VCAN: variants seen among roughly 807,000 people sequenced by gnomAD.
VCAN encodes the protein versican core protein.
VCAN carries 44 observed loss-of-function variants against 245.5 expected under a neutral mutation model. The observed-to-expected ratio is 0.18, with a 90% CI of 0.14 to 0.23. VCAN has a LOEUF of 0.23. VCAN is among the 10% of genes least tolerant of loss of function. The pLI, the probability that VCAN is intolerant of heterozygous loss-of-function variation, is 1.00. For synonymous variants in VCAN, 1,413 were observed against 1,437.0 expected (o/e 0.98, Z 0.38); for missense variants, 3,793 against 4,057.9 (o/e 0.93, Z 1.77).
intron 2 of VCAN, among the ~76,000 whole-genome samples, chr5:83,484,676 T>C (rs567786847): frequency 6.6e-6 from 1 of 152,330 alleles, no homozygotes; most frequent in South Asian, 2.1e-4. Context: ...GGATGACTCA[T>C]AACTGGCCTA....
At position 83,521,197 on chromosome 5, in the gene VCAN, C is replaced by T. The variant is rs773152751; in HGVS notation, c.2891C>T (p.Thr964Ile). Residue 964 changes from threonine to isoleucine, a missense_variant, in exon 7 of 15, where the codon ACT (threonine) becomes ATT (isoleucine). Thr to Ile is a moderately conservative substitution (Grantham distance 89, BLOSUM62 -1). Transcript: ENST00000265077. ...AGTTATAGTAGCACCCAAGAGCCTA[C>T]TACTTATGTAGACTCTTCCCATACC... ...FVSYSSTQEP[T>I]TYVDSSHTIP... 4 of 1,613,422 alleles carry T rather than the reference C, an allele frequency of 2.5e-6. No homozygotes were observed. The highest frequency in any genetic ancestry group is 1.7e-5 in the Admixed American group (1 of 59,966).
chr5:83,503,753 A>G (rs536041188), intron 5 of VCAN, among the ~76,000 whole-genome samples: 114 of 152,322 alleles, frequency 7.5e-4, no homozygotes, highest in Non-Finnish European at 1.4e-3. Context: ...TGCTGCAGTC[A>G]GGAAAGAATT....
intron 12 of VCAN, among the ~76,000 whole-genome samples, chr5:83,557,659 A>G (rs1446335282): frequency 6.6e-6 from 1 of 152,170 alleles, no homozygotes; most frequent in Non-Finnish European, 1.5e-5. Flanking sequence ...ATAGTCTAGA[A>G]AGGTCCTAAA....
intron 3 of VCAN, among the ~76,000 whole-genome samples, chr5:83,491,184 A>G (rs1162341690): frequency 6.6e-6 from 1 of 152,166 alleles, no homozygotes; most frequent in African/African-American, 2.4e-5. Context: ...AAGTTAGGAG[A>G]CAAAGCAAAG....
chr5:83,575,813 C>T (rs1204619822), intron 13 of VCAN, among the ~76,000 whole-genome samples: 2 of 152,116 alleles, frequency 1.3e-5, no homozygotes, highest in African/African-American at 2.4e-5. Flanking sequence ...TGATTGTTTA[C>T]ATTTCCCAAT....
intron 6 of VCAN, among the ~76,000 whole-genome samples, chr5:83,517,187 G>C (rs1745883742): frequency 6.6e-6 from 1 of 152,112 alleles, no homozygotes; most frequent in South Asian, 2.1e-4. Flanking sequence ...ATGAAATCTA[G>C]TTATTTAGTT....
At chr5:83,534,484 T>C (rs1746633651) in intron 7 of VCAN, among the ~76,000 whole-genome samples, 1 of 152,084 alleles carries the variant, frequency 6.6e-6, no homozygotes, top group Admixed American at 6.6e-5. Context: ...CTTTTCTCTG[T>C]ACTTAAATGA....
At position 83,542,584 on chromosome 5, in the gene VCAN, G is replaced by A. The variant is rs1025387148; in HGVS notation, c.9265+316G>A. On this transcript the variant is annotated intron_variant, in intron 8 of 14. Coordinates refer to ENST00000265077, the MANE Select transcript of VCAN (RefSeq NM_004385.5). Reference sequence around the variant, plus strand: ...TGTTTTTACTCACAACTAGAGTATTGCTTTGTCATATGTCTCATAGTTATA... The same window carrying A: ...TGTTTTTACTCACAACTAGAGTATTACTTTGTCATATGTCTCATAGTTATA... Among the ~76,000 whole-genome samples the A allele has an allele frequency of 2.6e-5, 4 of 152,116 alleles. No homozygotes were observed. In the South Asian group the frequency reaches 8.3e-4, roughly 32 times the overall value.
chr5:83,503,226 TAGAG>T (rs758148229), intron 5 of VCAN, among the ~76,000 whole-genome samples: 21 of 150,612 alleles, frequency 1.4e-4, no homozygotes, highest in East Asian at 5.8e-4. Context: ...GAGAGAGAGA[TAGAG>T]AGAGAGAGAG....
intron 7 of VCAN, among the ~76,000 whole-genome samples, chr5:83,534,519 T>C (rs1746635363): frequency 6.6e-6 from 1 of 152,072 alleles, no homozygotes; most frequent in Non-Finnish European, 1.5e-5. Context: ...CCAAACAGGG[T>C]AAGTAAGAAT....
intron 13 of VCAN, among the ~76,000 whole-genome samples, chr5:83,576,480 C>T (rs970239144): frequency 2.1e-4 from 32 of 152,006 alleles, no homozygotes; most frequent in Non-Finnish European, 2.9e-4. Context: ...TGTCAGTGGA[C>T]GCTTGAGTCA....
chr5:83,531,743 TATG>T (rs1746529751), intron 7 of VCAN, among the ~76,000 whole-genome samples: 1 of 152,164 alleles, frequency 6.6e-6, no homozygotes, highest in Non-Finnish European at 1.5e-5. Context: ...CTGGTAACAG[TATG>T]ACTGGAAGAC....
chr5:83,514,865 A>G (rs975811259), intron 6 of VCAN, among the ~76,000 whole-genome samples: 4 of 152,254 alleles, frequency 2.6e-5, no homozygotes, highest in African/African-American at 9.6e-5. Context: ...GGTAAAATTC[A>G]TAAGAGTCAT....
chr5:83,500,204 A>ACAG (rs1745288998), intron 5 of VCAN, among the ~76,000 whole-genome samples: 1 of 152,204 alleles, frequency 6.6e-6, no homozygotes, highest in Admixed American at 6.5e-5. Flanking sequence ...CTTGCACACT[A>ACAG]TGATTCCGCC....
In VCAN at chr5:83,490,161, A is replaced by G; in HGVS notation, c.134A>G (p.His45Arg). The G allele has an allele frequency of 1.2e-6, 2 of 1,614,066 alleles. No homozygotes were observed. Among genetic ancestry groups the G allele is most frequent in the South Asian group, 2.2e-5 (2 of 91,076 alleles). The change falls in exon 3 of 15, where the codon CAT becomes CGT. Residue 45 changes from histidine (H) to arginine (R), a missense_variant. Physicochemically the swap from His to Arg is conservative, Grantham distance 29. Transcript: ENST00000265077. ...TCTGGAAAAGTCAGCCTACCTTGTC[A>G]TTTTTCAACGATGCCTACTTTGCCA... ...SLSGKVSLPC[H>R]FSTMPTLPPS...
At position 83,541,839 on chromosome 5, in the gene VCAN, A is replaced by G. The variant is rs1192213460; in HGVS notation, c.8836A>G (p.Lys2946Glu). ...TDGQVSGEAI[K>E]MFPTIKTPEA... is the part of the protein sequence containing the mutation. Reference sequence around the variant, plus strand: ...TGGTCAAGTTTCTGGAGAAGCAATCAAGATGTTTCCCACCATTAAAACACC... The same window carrying G: ...TGGTCAAGTTTCTGGAGAAGCAATCGAGATGTTTCCCACCATTAAAACACC... The change falls in exon 8 of 15, where the codon AAG becomes GAG. Residue 2946 changes from lysine to glutamate, a missense_variant. Transcript: ENST00000265077. 5.6e-6 allele frequency: 9 copies of G among 1,614,042 alleles called. No homozygotes were observed. Among genetic ancestry groups the G allele is most frequent in the African/African-American group, 4.0e-5 (3 of 74,936 alleles).
intron 13 of VCAN, among the ~76,000 whole-genome samples, chr5:83,576,980 A>G (rs1748508653): frequency 6.6e-6 from 1 of 152,028 alleles, no homozygotes; most frequent in South Asian, 2.1e-4. Flanking sequence ...TCCCTTGACA[A>G]TTTTATATGT....
intron 12 of VCAN, among the ~76,000 whole-genome samples, chr5:83,561,512 T>C (rs1018159031): frequency 2.6e-5 from 4 of 152,196 alleles, no homozygotes; most frequent in Admixed American, 6.6e-5. Context: ...TAGTTCAGCT[T>C]TGGCAACTTA....
At chr5:83,574,024 A>C (rs2112501882) in intron 13 of VCAN, among the ~76,000 whole-genome samples, 1 of 152,338 alleles carries the variant, frequency 6.6e-6, no homozygotes, top group African/African-American at 2.4e-5. Context: ...TGAGACCGAA[A>C]GCCTCAAGAC....
Sources: gnomAD v4.1 joint callset for allele counts (sites outside exome capture counted in the v4.1 genomes callset) on GRCh38, gnomAD v4.1.1 for gene constraint, MANE v1.5 for transcripts, NCBI Gene and HGNC (gene_info 2026-07-23, HGNC 2026-07-21) for gene names.